CPS1: variants seen among roughly 807,000 people sequenced by gnomAD.
The protein encoded by CPS1 is carbamoyl-phosphate synthase [ammonia], mitochondrial.
Under a neutral mutation model 174.6 loss-of-function variants are expected in CPS1, and 109 were observed. That is an observed-to-expected ratio of 0.62 (90% confidence interval 0.53 to 0.73). The LOEUF is 0.73. Ranked by LOEUF, CPS1 falls within the 30% of genes least tolerant of loss-of-function variation. The pLI is 0.00. For missense variants in CPS1, 1,689 were observed against 1,821.9 expected, an observed-to-expected ratio of 0.93 and a Z score of 1.33; for synonymous variants, 637 against 632.0, an observed-to-expected ratio of 1.01 and a Z score of -0.12.
chr2:210,614,519 G>T (rs986002388), intron 20 of CPS1, among the ~76,000 whole-genome samples: 2 of 151,964 alleles, frequency 1.3e-5, no homozygotes, highest in Admixed American at 6.6e-5. Context: ...CCCACCAGCT[G>T]TGTAAAAGTA....
At chr2:210,620,328 A>G (rs1477104777) in intron 21 of CPS1, among the ~76,000 whole-genome samples, 4 of 152,092 alleles carry the variant, frequency 2.6e-5, no homozygotes, top group African/African-American at 9.7e-5. Context: ...CATGCCTGTG[A>G]GATAGTAGAA....
chr2:210,599,606 G>T (rs751117137), intron 14 of CPS1, 45 bp downstream of exon 14: 2 of 1,548,860 alleles, frequency 1.3e-6, no homozygotes, highest in South Asian at 2.2e-5. Context: ...CATATGCACT[G>T]CTGTGTAATG....
intron 3 of CPS1, 67 bp from the exon 4 acceptor site, chr2:210,577,354 A>G: frequency 7.9e-7 from 1 of 1,265,744 alleles, no homozygotes; most frequent in Non-Finnish European, 1.2e-6. Context: ...AACAAATGCA[A>G]ATTGACTCAC....
intron 1 of CPS1, among the ~76,000 whole-genome samples, chr2:210,549,154 G>T (rs1428435440): frequency 6.6e-6 from 1 of 152,002 alleles, no homozygotes; most frequent in African/African-American, 2.4e-5. Context: ...GTCCAGTAGT[G>T]TCCTGGCACA....
At chr2:210,633,937 G>A (rs1699948184) in intron 21 of CPS1, among the ~76,000 whole-genome samples, 1 of 152,170 alleles carries the variant, frequency 6.6e-6, no homozygotes, top group African/African-American at 2.4e-5. Context: ...CTGGATGACT[G>A]TTCTTCAGAG....
chr2:210,585,657 T>G (rs1306781265), intron 6 of CPS1, among the ~76,000 whole-genome samples: 2 of 151,746 alleles, frequency 1.3e-5, no homozygotes, highest in Non-Finnish European at 2.9e-5. Context: ...TTCAACATAG[T>G]AGAAATAATA....
rs553156049 is a variant in CPS1, at chr2:210,539,359, TATTG to T, written c.4-17356_4-17353del. Among the ~76,000 whole-genome samples, 327 of 152,326 alleles carry T rather than the reference TATTG, an allele frequency of 2.1e-3. 1 individual carries two copies. The highest frequency in any genetic ancestry group is 7.6e-3 in the African/African-American group (315 of 41,578). On this transcript the variant is annotated intron_variant, in intron 1 of 38. Transcript: ENST00000430249. Reference sequence around the variant, plus strand: ...GCATATTGTGTTTTGTAATAATCTCTATTGATTATTTTCAAGCAAGATTTGGAAT... The same window carrying T: ...GCATATTGTGTTTTGTAATAATCTCTATTATTTTCAAGCAAGATTTGGAAT...
At chr2:210,631,517 C>T (rs957047994) in intron 21 of CPS1, among the ~76,000 whole-genome samples, 3 of 152,174 alleles carry the variant, frequency 2.0e-5, no homozygotes, top group African/African-American at 4.8e-5. Flanking sequence ...GCTGTCTCAC[C>T]ATTAAAAGAT....
intron 1 of CPS1, among the ~76,000 whole-genome samples, chr2:210,571,273 G>A (rs1697470511): frequency 6.6e-6 from 1 of 151,864 alleles, no homozygotes; most frequent in Non-Finnish European, 1.5e-5. Context: ...GAAGGAAATA[G>A]ATAAATCTTT....
At chr2:210,519,852 T>C in intron 1 of CPS1, 2 of 912,368 alleles carry the variant, frequency 2.2e-6, no homozygotes, top group Non-Finnish European at 2.6e-6. Flanking sequence ...AATGGCTTTG[T>C]TCTGGGTTGT....
intron 31 of CPS1, among the ~76,000 whole-genome samples, chr2:210,660,160 C>A (rs1465338690): frequency 6.6e-6 from 1 of 152,002 alleles, no homozygotes; most frequent in Middle Eastern, 3.2e-3. Context: ...CCTTCAGGGA[C>A]TAGACTTTAA....
chr2:210,638,975 TTCTC>T (rs1233244478), intron 22 of CPS1, among the ~76,000 whole-genome samples, 171 bp from the exon 23 acceptor site: 1 of 152,184 alleles, frequency 6.6e-6, no homozygotes, highest in Non-Finnish European at 1.5e-5. Context: ...CATCACTATT[TTCTC>T]TCTCTTATTT....
At chr2:210,542,732 T>C (rs1162815504) in intron 1 of CPS1, among the ~76,000 whole-genome samples, 1 of 152,058 alleles carries the variant, frequency 6.6e-6, no homozygotes, top group African/African-American at 2.4e-5. Context: ...ATAAAAAACA[T>C]AAAAACAACA....
chr2:210,624,764 G>A (rs1353056551), intron 21 of CPS1, among the ~76,000 whole-genome samples: 1 of 151,930 alleles, frequency 6.6e-6, no homozygotes, highest in East Asian at 1.9e-4. Context: ...TTGTGAGAGA[G>A]TACTTCCGAG....
At chr2:210,510,408 C>A in intron 1 of CPS1, among the ~76,000 whole-genome samples, 1 of 152,078 alleles carries the variant, frequency 6.6e-6, no homozygotes, top group South Asian at 2.1e-4. Flanking sequence ...AATGTTAGAC[C>A]TAAAACCATA....
chr2:210,543,190 C>T (rs774953943), intron 1 of CPS1, among the ~76,000 whole-genome samples: 2 of 152,256 alleles, frequency 1.3e-5, no homozygotes, highest in East Asian at 1.9e-4. Context: ...TGTGGGCTCA[C>T]GTTGCATGCA....
intron 27 of CPS1, 107 bp downstream of exon 27, chr2:210,648,647 A>G: frequency 1.1e-6 from 1 of 928,860 alleles, no homozygotes; most frequent in Non-Finnish European, 1.8e-6. Flanking sequence ...TAATTTATAA[A>G]TCCATTAACA....
At chr2:210,646,929 T>C (rs1361625857) in intron 25 of CPS1, among the ~76,000 whole-genome samples, 1 of 151,702 alleles carries the variant, frequency 6.6e-6, no homozygotes, top group Non-Finnish European at 1.5e-5. Context: ...TGAGATTTAG[T>C]GGACTATTTT....
chr2:210,629,876 C>T (rs1699811789), intron 21 of CPS1, among the ~76,000 whole-genome samples: 1 of 148,022 alleles, frequency 6.8e-6, no homozygotes, highest in Non-Finnish European at 1.5e-5. Context: ...CGGTGAAACC[C>T]CGACTCTAAT....
Sources: gnomAD v4.1 joint callset for allele counts (sites outside exome capture counted in the v4.1 genomes callset) on GRCh38, gnomAD v4.1.1 for gene constraint, MANE v1.5 for transcripts, NCBI Gene and HGNC (gene_info 2026-07-23, HGNC 2026-07-21) for gene names.